KCNIP1: variants seen among roughly 807,000 people sequenced by gnomAD.
KCNIP1 encodes the protein A-type potassium channel modulatory protein KCNIP1.
KCNIP1 carries 18 observed loss-of-function variants against 33.0 expected under a neutral mutation model. That is an observed-to-expected ratio of 0.55 (90% CI 0.38 to 0.81). The LOEUF is 0.81. Among genes scored for constraint, KCNIP1 ranks in the 30% least tolerant of loss-of-function variants. The pLI, the probability that KCNIP1 is intolerant of heterozygous loss-of-function variation, is 0.00. For missense variants in KCNIP1, 238 were observed against 271.6 expected (o/e 0.88, Z 0.87); for synonymous variants, 93 against 98.3 (o/e 0.95, Z 0.32).
chr5:170,725,746 G>A (rs551206336), intron 5 of KCNIP1, among the ~76,000 whole-genome samples: 5 of 152,118 alleles, frequency 3.3e-5, no homozygotes, highest in Admixed American at 6.5e-5. Context: ...CACATTGTAT[G>A]CCTGTATCAA....
chr5:170,488,745 A>G (rs1296521584), intron 1 of KCNIP1, among the ~76,000 whole-genome samples: 1 of 152,164 alleles, frequency 6.6e-6, no homozygotes, highest in Non-Finnish European at 1.5e-5. Flanking sequence ...AAGAGCAAGG[A>G]CTGGGACTCA....
At chr5:170,718,310 C>T (rs2113867987) in intron 1 of KCNIP1, among the ~76,000 whole-genome samples, 1 of 152,294 alleles carries the variant, frequency 6.6e-6, no homozygotes, top group Non-Finnish European at 1.5e-5. Flanking sequence ...CTATCCATTC[C>T]TAGTTGGCCC....
chr5:170,394,560 A>G (rs939580668), intron 1 of KCNIP1, among the ~76,000 whole-genome samples: 5 of 152,310 alleles, frequency 3.3e-5, no homozygotes, highest in Middle Eastern at 3.4e-3. Flanking sequence ...TTAAATTGAT[A>G]TATTATAGTT....
At chr5:170,444,251 G>T (rs1460483568) in intron 1 of KCNIP1, among the ~76,000 whole-genome samples, 1 of 152,162 alleles carries the variant, frequency 6.6e-6, no homozygotes, top group Non-Finnish European at 1.5e-5. Flanking sequence ...CCTGGGGGAA[G>T]CCTGTTTCCT....
intron 1 of KCNIP1, among the ~76,000 whole-genome samples, chr5:170,572,037 G>A (rs1383479102): frequency 6.6e-6 from 1 of 152,112 alleles, no homozygotes; most frequent in African/African-American, 2.4e-5. Flanking sequence ...TAGTCTACTT[G>A]TAGGAACAAT....
chr5:170,696,069 C>T (rs2113825729), intron 1 of KCNIP1, among the ~76,000 whole-genome samples: 1 of 150,868 alleles, frequency 6.6e-6, no homozygotes, highest in Non-Finnish European at 1.5e-5. Flanking sequence ...TTTGCGCATG[C>T]TGTTCCCTCT....
At chr5:170,560,162 G>C (rs11958758) in intron 1 of KCNIP1, among the ~76,000 whole-genome samples, 12,770 of 152,086 alleles carry the variant, frequency 0.084, 1,745 homozygotes, top group African/African-American at 0.28. Context: ...GGGCAGGACA[G>C]AGCTCATTAA....
At chr5:170,534,625 C>T (rs1256902250) in intron 1 of KCNIP1, among the ~76,000 whole-genome samples, 6 of 151,984 alleles carry the variant, frequency 3.9e-5, no homozygotes, top group Non-Finnish European at 8.8e-5. Flanking sequence ...TCAAGTGATT[C>T]CCCCCACCTC....
At chr5:170,362,201 G>A (rs551719475) in intron 1 of KCNIP1, among the ~76,000 whole-genome samples, 16 of 152,282 alleles carry the variant, frequency 1.1e-4, no homozygotes, top group African/African-American at 3.8e-4. Flanking sequence ...CTTCAGACGG[G>A]GGACCGGCCT....
intron 1 of KCNIP1, among the ~76,000 whole-genome samples, chr5:170,394,030 A>G (rs1436949411): frequency 1.3e-5 from 2 of 152,208 alleles, no homozygotes; most frequent in Non-Finnish European, 2.9e-5. Flanking sequence ...GATGAGGTAC[A>G]GTGTTAGCCT....
intron 1 of KCNIP1, among the ~76,000 whole-genome samples, chr5:170,601,368 G>T (rs1302775244): frequency 7.5e-6 from 1 of 133,854 alleles, no homozygotes; most frequent in East Asian, 2.0e-4. Context: ...ACAGGAGAAG[G>T]AGGCAGAAGC....
intron 1 of KCNIP1, among the ~76,000 whole-genome samples, chr5:170,473,682 G>T (rs1003431911): frequency 2.6e-5 from 4 of 152,174 alleles, no homozygotes; most frequent in Non-Finnish European, 4.4e-5. Flanking sequence ...GGTCTTCCAA[G>T]GGGACAGACT....
intron 1 of KCNIP1, among the ~76,000 whole-genome samples, chr5:170,359,015 G>T (rs1763428097): frequency 6.6e-6 from 1 of 152,198 alleles, no homozygotes; most frequent in South Asian, 2.1e-4. Flanking sequence ...GATCAGAGCA[G>T]CCACCTGTCA....
At chr5:170,464,625 A>G (rs1756571187) in intron 1 of KCNIP1, among the ~76,000 whole-genome samples, 1 of 152,188 alleles carries the variant, frequency 6.6e-6, no homozygotes, top group African/African-American at 2.4e-5. Context: ...TCAAAGAAAT[A>G]TGGGGAATTG....
intron 1 of KCNIP1, among the ~76,000 whole-genome samples, chr5:170,568,365 G>A (rs972761780): frequency 3.3e-5 from 5 of 151,988 alleles, no homozygotes; most frequent in Non-Finnish European, 7.4e-5. Context: ...GCTCCTAGGG[G>A]CTGAAAGGCA....
intron 1 of KCNIP1, among the ~76,000 whole-genome samples, chr5:170,379,656 A>G (rs1764159909): frequency 6.6e-6 from 1 of 152,226 alleles, no homozygotes; most frequent in South Asian, 2.1e-4. Flanking sequence ...CAGACCTCCA[A>G]CACTTTAAGA....
intron 1 of KCNIP1, among the ~76,000 whole-genome samples, chr5:170,434,373 T>C (rs759021412): frequency 6.6e-6 from 1 of 152,190 alleles, no homozygotes; most frequent in Non-Finnish European, 1.5e-5. Flanking sequence ...ATGTCAAGTA[T>C]TGTTAATATT....
rs956164618 is a variant in KCNIP1, at chr5:170,374,347, G to A, written c.88+20383G>A. Among the ~76,000 whole-genome samples the A allele has an allele frequency of 2.0e-5, 3 of 152,186 alleles. No homozygotes were observed. The East Asian group carries it at 5.8e-4, about 29-fold the overall frequency. Reference sequence around the variant, plus strand: ...AAGACACCAAGTTCCTTGCAGGCAAGCAAATAGATACATCATAAAAGTGAA... The same window carrying A: ...AAGACACCAAGTTCCTTGCAGGCAAACAAATAGATACATCATAAAAGTGAA... On this transcript the variant is annotated intron_variant, in intron 1 of 7. Coordinates refer to the KCNIP1 transcript ENST00000377360.
intron 1 of KCNIP1, among the ~76,000 whole-genome samples, chr5:170,362,646 C>T (rs559970180): frequency 6.6e-6 from 1 of 152,184 alleles, no homozygotes; most frequent in South Asian, 2.1e-4. Context: ...CTAGTCTGGC[C>T]AATTTTCATT....
Sources: allele counts gnomAD v4.1 joint callset (sites outside exome capture counted in the v4.1 genomes callset), GRCh38; gene constraint gnomAD v4.1.1; transcripts MANE v1.5; gene names NCBI Gene and HGNC (gene_info 2026-07-23, HGNC 2026-07-21).